IFIH1: variants seen among roughly 807,000 people sequenced by gnomAD.
IFIH1 encodes the protein interferon induced with helicase C domain 1.
In IFIH1, 125 loss-of-function variants were observed where a neutral mutation model predicts 107.4. The ratio of observed to expected loss-of-function variants is 1.16; its 90% CI spans 1.01 to 1.35. The LOEUF is 1.35. IFIH1 is among the 40% of genes most tolerant of loss of function. The pLI, the probability that IFIH1 is intolerant of heterozygous loss-of-function variation, is 0.00. For missense variants in IFIH1, 1,333 were observed against 1,213.7 expected (o/e 1.10, Z -1.46); for synonymous variants, 458 against 413.2 (o/e 1.11, Z -1.31).
intron 10 of IFIH1, among the ~76,000 whole-genome samples, 193 bp downstream of exon 10, chr2:162,277,222 C>G (rs1012042504): frequency 3.3e-5 from 5 of 152,108 alleles, no homozygotes; most frequent in South Asian, 2.1e-4. Context: ...GACAATAAAA[C>G]TGAATGACCA....
chr2:162,291,034 T>C (rs962858548), intron 4 of IFIH1, among the ~76,000 whole-genome samples: 2 of 151,836 alleles, frequency 1.3e-5, no homozygotes, highest in Admixed American at 6.6e-5. Flanking sequence ...TTGTTTGTTT[T>C]TGGCTTTCTC....
chr2:162,274,865 G>C (rs1419432332), intron 11 of IFIH1, among the ~76,000 whole-genome samples: 2 of 152,136 alleles, frequency 1.3e-5, no homozygotes, highest in Non-Finnish European at 1.5e-5. Flanking sequence ...CAGACCAAAA[G>C]TATGTTCTTC....
At chr2:162,313,153 T>C (rs1352775623) in intron 1 of IFIH1, among the ~76,000 whole-genome samples, 1 of 152,226 alleles carries the variant, frequency 6.6e-6, no homozygotes, top group African/African-American at 2.4e-5. Context: ...TGCTGAATTT[T>C]TAAGAAATCT....
chr2:162,273,515 C>T (rs1019552784), intron 12 of IFIH1, among the ~76,000 whole-genome samples: 2 of 152,082 alleles, frequency 1.3e-5, no homozygotes, highest in Non-Finnish European at 2.9e-5. Context: ...TTGACTCTTA[C>T]AAATGGGGCT....
chr2:162,281,691 A>G (rs1372983767), intron 6 of IFIH1, 146 bp from the exon 7 acceptor site: 2 of 598,630 alleles, frequency 3.3e-6, no homozygotes, highest in Non-Finnish European at 3.0e-6. Context: ...TTAGGAGGGA[A>G]ATCTAACTAT....
At position 162,318,281 on chromosome 2, in the gene IFIH1, C is replaced by G. The variant is rs1683553812; in HGVS notation, c.27G>C (p.Glu9Asp). MSNGYSTD[E>D]NFRYLISCFR... ...AGCACGAGATGAGATAGCGGAAATT[C>G]TCGTCTGTGGAATACCCATTCGACA... Residue 9 changes from glutamate (E) to aspartate (D), a missense_variant, in exon 1 of 16, where the codon GAG (glutamate) becomes GAC (aspartate). By Grantham distance (45) the Glu-to-Asp change is conservative. Transcript: ENST00000649979. The G allele has an allele frequency of 6.2e-7, 1 of 1,613,884 alleles. No homozygotes were observed. Among genetic ancestry groups the G allele is most frequent in the African/African-American group, 1.3e-5 (1 of 75,054 alleles).
intron 3 of IFIH1, among the ~76,000 whole-genome samples, chr2:162,300,150 T>A (rs1325642548): frequency 1.3e-5 from 2 of 152,166 alleles, no homozygotes; most frequent in African/African-American, 4.8e-5. Context: ...GAGTATAAAC[T>A]TTTTGAGAGT....
intron 13 of IFIH1, 118 bp from the exon 14 acceptor site, chr2:162,268,395 G>A: frequency 1.6e-6 from 1 of 609,122 alleles, no homozygotes; most frequent in Non-Finnish European, 2.8e-6. Context: ...TTAGCTTATG[G>A]TCTAGGAAAT....
chr2:162,314,628 C>T (rs1212634232), intron 1 of IFIH1, among the ~76,000 whole-genome samples: 1 of 151,834 alleles, frequency 6.6e-6, no homozygotes, highest in African/African-American at 2.4e-5. Flanking sequence ...ACTGGGACTA[C>T]AGGCTCCCAC....
chr2:162,314,416 T>TTTC (rs71009355), intron 1 of IFIH1, among the ~76,000 whole-genome samples: 994 of 51,096 alleles, frequency 0.019, 11 homozygotes, highest in East Asian at 0.038. Flanking sequence ...TCTTTCTTTC[T>TTTC]TTTCTTTCTT....
rs199696786 is a variant in IFIH1, at chr2:162,273,946, T to C, written c.2305-2A>G. On this transcript the variant is annotated splice_acceptor_variant, in intron 11 of 15. Coordinates refer to ENST00000649979, the MANE Select transcript of IFIH1 (RefSeq NM_022168.4). LOFTEE classifies it high-confidence loss of function. ...ACTAATGACTTCTTTTTGTTCATTC[T>C]GTAGAAACATTTTAATAAATTAAAT... 111 of 1,572,940 alleles carry C rather than the reference T, an allele frequency of 7.1e-5. No homozygotes were observed. The highest frequency in any genetic ancestry group is 3.4e-4 in the Admixed American group (19 of 56,382).
chr2:162,306,726 T>C lies in IFIH1; in HGVS notation c.752A>G (p.Asp251Gly). 6.2e-7 allele frequency: 1 copy of C among 1,613,882 alleles called. No individual in the cohort carries two copies. Among genetic ancestry groups the C allele is most frequent in the Non-Finnish European group, 8.5e-7 (1 of 1,179,844 alleles). The change falls in exon 3 of 16, where the codon GAT becomes GGT. Residue 251 changes from aspartate (D) to glycine (G), a missense_variant. Transcript: ENST00000649979. The part of the protein sequence containing the change: ...ENNSSESSFA[D>G]SSVVSESDTS... ...TCAAGTACCTGAAACTACAGAAGAATCTGCAAAAGATGATTCTGATGAGTT... is the reference window on the plus strand; with the variant it reads ...TCAAGTACCTGAAACTACAGAAGAACCTGCAAAAGATGATTCTGATGAGTT...
chr2:162,304,743 C>A (rs1330746916), intron 3 of IFIH1, among the ~76,000 whole-genome samples: 1 of 152,052 alleles, frequency 6.6e-6, no homozygotes, highest in Non-Finnish European at 1.5e-5. Context: ...TAACGAAATA[C>A]CATTTTTAAT....
At chr2:162,314,262 T>C (rs1683430377) in intron 1 of IFIH1, among the ~76,000 whole-genome samples, 1 of 152,098 alleles carries the variant, frequency 6.6e-6, no homozygotes, top group Non-Finnish European at 1.5e-5. Flanking sequence ...TGCTTTATTA[T>C]AATGATTGAT....
At chr2:162,268,022 C>T in intron 14 of IFIH1, 65 bp downstream of exon 14, 2 of 1,141,028 alleles carry the variant, frequency 1.8e-6, no homozygotes, top group Non-Finnish European at 1.2e-6. Flanking sequence ...TTTGAAAGAA[C>T]ATTTACAATG....
Position 162,317,980 on chromosome 2 carries a change from C to T in IFIH1, c.328G>A (p.Ala110Thr). The change falls in exon 1 of 16, where the codon GCT becomes ACT. Residue 110 changes from alanine to threonine, a missense_variant. Ala to Thr is a moderately conservative substitution (Grantham distance 58). Coordinates refer to ENST00000649979, the MANE Select transcript of IFIH1 (RefSeq NM_022168.4). ...TDLPSPSFEN[A>T]HDEYLQLLNL... Reference sequence around the variant, plus strand: ...AGCAGTTGGAGATATTCATCATGAGCGTTCTCAAACGATGGAGAGGGCAAG... The same window carrying T: ...AGCAGTTGGAGATATTCATCATGAGTGTTCTCAAACGATGGAGAGGGCAAG... The T allele has an allele frequency of 6.2e-7, 1 of 1,614,182 alleles. No individual in the cohort carries two copies. The highest frequency in any genetic ancestry group is 1.1e-5 in the South Asian group (1 of 91,084).
chr2:162,308,723 T>C (rs1683334838), intron 2 of IFIH1, among the ~76,000 whole-genome samples: 1 of 152,190 alleles, frequency 6.6e-6, no homozygotes, highest in South Asian at 2.1e-4. Context: ...TGTCTCCAGA[T>C]AGAGTCATAT....
intron 1 of IFIH1, among the ~76,000 whole-genome samples, chr2:162,313,305 A>G (rs77647903): frequency 1.8e-3 from 280 of 152,344 alleles, no homozygotes; most frequent in African/African-American, 6.3e-3. Context: ...TGGGAGGTGA[A>G]TATTTACATT....
intron 5 of IFIH1, among the ~76,000 whole-genome samples, chr2:162,286,552 T>C (rs1168656337): frequency 6.6e-6 from 1 of 151,816 alleles, no homozygotes; most frequent in East Asian, 1.9e-4. Context: ...TAAAACTAAC[T>C]CCTAGGTGTG....
Sources: gnomAD v4.1 joint callset for allele counts (sites outside exome capture counted in the v4.1 genomes callset) on GRCh38, gnomAD v4.1.1 for gene constraint, MANE v1.5 for transcripts, NCBI Gene and HGNC (gene_info 2026-07-23, HGNC 2026-07-21) for gene names.